The following KIAA1217 variants were observed in gnomAD, a reference collection of about 807,000 sequenced individuals.
The protein encoded by KIAA1217 is KIAA1217.
KIAA1217 carries 88 observed loss-of-function variants against 163.9 expected under a neutral mutation model. The observed-to-expected ratio is 0.54, with a 90% CI of 0.45 to 0.64. The LOEUF (loss-of-function observed/expected upper bound fraction) is 0.64, where lower values mean the gene tolerates loss of function less well. Among genes scored for constraint, KIAA1217 ranks in the 30% least tolerant of loss-of-function variants. KIAA1217 has a pLI of 0.00. For synonymous variants in KIAA1217, 903 were observed against 923.1 expected (o/e 0.98, Z 0.39); for missense variants, 2,372 against 2,475.0 (o/e 0.96, Z 0.88).
chr10:24,138,528 G>A (rs1021549810), intron 2 of KIAA1217, among the ~76,000 whole-genome samples: 3 of 151,408 alleles, frequency 2.0e-5, no homozygotes, highest in Non-Finnish European at 4.4e-5. Flanking sequence ...TTATGTTATT[G>A]TAAGCTATTT....
At chr10:23,787,707 G>A (rs2130916140) in intron 1 of KIAA1217, among the ~76,000 whole-genome samples, 1 of 152,218 alleles carries the variant, frequency 6.6e-6, no homozygotes, top group East Asian at 1.9e-4. Flanking sequence ...TGTGTTACAT[G>A]CATATTTTAT....
Position 23,977,466 on chromosome 10 carries a change from T to G in KIAA1217, c.-320-29759T>G, listed in dbSNP as rs551318364. 3.3e-5 allele frequency among the ~76,000 whole-genome samples: 5 copies of G among 152,268 alleles called. No homozygotes were observed. In the East Asian group the frequency reaches 9.7e-4, roughly 29 times the overall value. Reference sequence around the variant, plus strand: ...TAGATGAGAGTGAAGTCTTTGCTGATTTCATCTGATATTCTTTCTGTCACA... The same window carrying G: ...TAGATGAGAGTGAAGTCTTTGCTGAGTTCATCTGATATTCTTTCTGTCACA... On this transcript the variant is annotated intron_variant, in intron 1 of 18. Transcript: ENST00000376462.
intron 2 of KIAA1217, among the ~76,000 whole-genome samples, chr10:24,035,075 C>T (rs181004708): frequency 2.2e-4 from 34 of 152,180 alleles, no homozygotes; most frequent in Non-Finnish European, 1.8e-4. Flanking sequence ...TTTGCTTTGT[C>T]GAGAAGAGGG....
intron 2 of KIAA1217, among the ~76,000 whole-genome samples, chr10:24,177,147 C>T (rs996042165): frequency 6.6e-6 from 1 of 151,280 alleles, no homozygotes; most frequent in African/African-American, 2.4e-5. Flanking sequence ...GGGGCTCCCA[C>T]AGTGCAGCAG....
intron 1 of KIAA1217, among the ~76,000 whole-genome samples, chr10:23,938,161 A>G (rs1025851933): frequency 2.0e-5 from 3 of 152,210 alleles, no homozygotes; most frequent in African/African-American, 7.2e-5. Flanking sequence ...GGTCACGCAG[A>G]ACTTTCCTCA....
chr10:23,777,584 AG>A (rs1835060210), intron 1 of KIAA1217, among the ~76,000 whole-genome samples: 3 of 152,226 alleles, frequency 2.0e-5, no homozygotes, highest in African/African-American at 7.2e-5. Context: ...TATGTGACTT[AG>A]GACCCATAAT....
intron 1 of KIAA1217, among the ~76,000 whole-genome samples, chr10:23,738,929 T>C (rs1351559002): frequency 6.6e-6 from 1 of 152,176 alleles, no homozygotes; most frequent in Admixed American, 6.5e-5. Context: ...TAGAGGGATG[T>C]GCCCTAGAGA....
intron 1 of KIAA1217, among the ~76,000 whole-genome samples, chr10:24,213,109 T>C (rs1301474403): frequency 6.6e-6 from 1 of 152,206 alleles, no homozygotes; most frequent in African/African-American, 2.4e-5. Flanking sequence ...AGAATAGCTC[T>C]AATCAATGAA....
Position 23,951,622 on chromosome 10 carries a change from C to G in KIAA1217, c.-320-55603C>G, listed in dbSNP as rs142561290. Among the ~76,000 whole-genome samples the G allele has an allele frequency of 6.1e-3, 925 of 150,438 alleles. 9 individuals are homozygous for G. Among genetic ancestry groups the G allele is most frequent in the Non-Finnish European group, 9.5e-3 (639 of 67,136 alleles). ...GAGCCATGATTGTACCACTGCACTCCAGCCTGCAAGCAAGCAAGCAAGCAA... is the reference window on the plus strand; with the variant it reads ...GAGCCATGATTGTACCACTGCACTCGAGCCTGCAAGCAAGCAAGCAAGCAA... On this transcript the variant is annotated intron_variant, in intron 1 of 18. Coordinates refer to the KIAA1217 transcript ENST00000376462.
intron 2 of KIAA1217, among the ~76,000 whole-genome samples, chr10:24,188,721 T>C (rs1268079380): frequency 6.6e-6 from 1 of 152,154 alleles, no homozygotes; most frequent in African/African-American, 2.4e-5. Flanking sequence ...ATTGAAATCG[T>C]CTTTGTTAGT....
intron 1 of KIAA1217, among the ~76,000 whole-genome samples, chr10:23,818,351 A>AATATATATATATATAT: frequency 7.4e-6 from 1 of 134,894 alleles, no homozygotes; most frequent in African/African-American, 2.8e-5. Flanking sequence ...TATATAAAAA[A>AATATATATATATATAT]ATATATATAT....
chr10:23,733,074 C>T (rs937656529), intron 1 of KIAA1217, among the ~76,000 whole-genome samples: 9 of 151,614 alleles, frequency 5.9e-5, no homozygotes, highest in South Asian at 4.2e-4. Context: ...AGTGCAGTGG[C>T]GCGATCTCAG....
At chr10:23,876,821 T>A (rs1840719753) in intron 1 of KIAA1217, among the ~76,000 whole-genome samples, 1 of 151,984 alleles carries the variant, frequency 6.6e-6, no homozygotes, top group African/African-American at 2.4e-5. Context: ...CTGTATATGC[T>A]TAGGGCTGAG....
chr10:24,075,255 C>A (rs2061333560), intron 2 of KIAA1217, among the ~76,000 whole-genome samples: 1 of 151,966 alleles, frequency 6.6e-6, no homozygotes, highest in Admixed American at 6.6e-5. Flanking sequence ...AAAACAGAAA[C>A]CATCCTGAAA....
chr10:24,010,792 T>C, intron 2 of KIAA1217, among the ~76,000 whole-genome samples: 1 of 152,062 alleles, frequency 6.6e-6, no homozygotes. Context: ...AAGGCTTTTC[T>C]GGCCCTGGAC....
rs1297826908 is a variant in KIAA1217 at position 23,776,355 on chromosome 10, T to G, written c.-321+81121T>G. Reference sequence around the variant, plus strand: ...GCTATTGGAAATATATATATATATATATATTTACAATTTTTCATCTATGAT... The same window carrying G: ...GCTATTGGAAATATATATATATATAGATATTTACAATTTTTCATCTATGAT... On this transcript the variant is annotated intron_variant, in intron 1 of 18. Coordinates refer to the KIAA1217 transcript ENST00000376462. Among the ~76,000 whole-genome samples, 3 of 150,638 alleles carry G rather than the reference T, an allele frequency of 2.0e-5. No homozygotes were observed. The East Asian group carries it at 5.8e-4, about 29-fold the overall frequency.
At chr10:24,206,223 G>A (rs771996224), upstream of KIAA1217, among the ~76,000 whole-genome samples, 4 of 152,060 alleles carry the variant, frequency 2.6e-5, no homozygotes, top group East Asian at 1.9e-4. Flanking sequence ...AGTTCTTCCC[G>A]CTTTCCTTAT....
intron 2 of KIAA1217, among the ~76,000 whole-genome samples, chr10:24,095,734 G>A (rs1159382588): frequency 6.6e-6 from 1 of 152,076 alleles, no homozygotes; most frequent in East Asian, 1.9e-4. Flanking sequence ...CTCCTCTTCT[G>A]AACTCCAGAC....
chr10:23,946,267 TAAAAAAA>T (rs35262067), intron 1 of KIAA1217, among the ~76,000 whole-genome samples: 1 of 115,756 alleles, frequency 8.6e-6, no homozygotes, highest in Non-Finnish European at 1.8e-5. Flanking sequence ...CTCTTCCGTT[TAAAAAAA>T]AAAAAAAAAA....
Sources: gnomAD v4.1 joint callset for allele counts (sites outside exome capture counted in the v4.1 genomes callset) on GRCh38, gnomAD v4.1.1 for gene constraint, MANE v1.5 for transcripts, NCBI Gene and HGNC (gene_info 2026-07-23, HGNC 2026-07-21) for gene names.